ACYP2: variants seen among roughly 807,000 people sequenced by gnomAD.
The protein encoded by ACYP2 is acylphosphatase 2.
In ACYP2, 12 loss-of-function variants were observed where a neutral mutation model predicts 11.2. That is an observed-to-expected ratio of 1.08 (90% confidence interval 0.69 to 1.74). The LOEUF (loss-of-function observed/expected upper bound fraction) is 1.74. ACYP2 is among the 40% of genes most tolerant of loss of function. ACYP2 has a pLI of 0.00. For synonymous variants in ACYP2, 43 were observed against 32.2 expected (o/e 1.33, Z -1.13); for missense variants, 134 against 101.9 (o/e 1.31, Z -1.35).
chr2:54,299,380 T>C (rs1689636200), intron 6 of ACYP2, among the ~76,000 whole-genome samples: 1 of 149,574 alleles, frequency 6.7e-6, no homozygotes, highest in Admixed American at 6.6e-5. Context: ...GATCACGAGG[T>C]CAGGAGTTTG....
rs374152520 is a variant in ACYP2, at chr2:54,045,602, G to A, written c.63-5356G>A. On this transcript the variant is annotated intron_variant, in intron 2 of 6. Coordinates refer to ENST00000607452, the MANE Select transcript of ACYP2 (RefSeq NM_001320586.2). The stretch of plus-strand genomic sequence containing the variant: ...GAGGCCGAGGCGGGCAGATCATGAG[G>A]TAAGGAGATCGAGACCATCCTGGCT... Among the ~76,000 whole-genome samples, 39 of 147,758 alleles carry A rather than the reference G, an allele frequency of 2.6e-4. No individual in the cohort carries two copies. The South Asian group carries it at 8.0e-3, about 30-fold the overall frequency.
At chr2:54,006,798 C>T (rs1251942953) in intron 2 of ACYP2, among the ~76,000 whole-genome samples, 1 of 151,922 alleles carries the variant, frequency 6.6e-6, no homozygotes. Flanking sequence ...TGACTTCTGG[C>T]ACATGACTCC....
intron 6 of ACYP2, among the ~76,000 whole-genome samples, chr2:54,187,070 A>G (rs942500580): frequency 2.6e-5 from 4 of 152,116 alleles, no homozygotes; most frequent in African/African-American, 9.7e-5. Context: ...CCTTGCCTCT[A>G]ATTTCCAAGA....
intron 6 of ACYP2, chr2:54,255,285 C>T (rs200743394): frequency 1.2e-4 from 198 of 1,614,164 alleles, no homozygotes; most frequent in Non-Finnish European, 1.6e-4. Context: ...TGCAGCCTGT[C>T]CTAGGGTGTC....
At chr2:54,008,235 A>G (rs906175258) in intron 2 of ACYP2, among the ~76,000 whole-genome samples, 1 of 152,196 alleles carries the variant, frequency 6.6e-6, no homozygotes, top group African/African-American at 2.4e-5. Flanking sequence ...TTCTGCCTAC[A>G]CACTAAAGTC....
chr2:54,189,628 TTCTC>T (rs2103884054), intron 6 of ACYP2, among the ~76,000 whole-genome samples: 1 of 152,336 alleles, frequency 6.6e-6, no homozygotes, highest in East Asian at 1.9e-4. Flanking sequence ...TTCAGATTGT[TTCTC>T]TATCTTGGCT....
At chr2:54,118,715 A>G (rs933298311) in intron 4 of ACYP2, among the ~76,000 whole-genome samples, 2 of 152,238 alleles carry the variant, frequency 1.3e-5, no homozygotes, top group African/African-American at 4.8e-5. Flanking sequence ...TACTATACAT[A>G]AATAGTGGGG....
chr2:54,145,912 G>A (rs1681861086), intron 6 of ACYP2, among the ~76,000 whole-genome samples: 1 of 152,190 alleles, frequency 6.6e-6, no homozygotes, highest in Admixed American at 6.5e-5. Flanking sequence ...GTCTGGGTTT[G>A]CTACACAACT....
chr2:54,016,605 T>C (rs1309547845), intron 2 of ACYP2, among the ~76,000 whole-genome samples: 3 of 152,200 alleles, frequency 2.0e-5, no homozygotes, highest in Non-Finnish European at 2.9e-5. Flanking sequence ...ATCTCTGTCT[T>C]AGTCTGTTTG....
intron 6 of ACYP2, among the ~76,000 whole-genome samples, chr2:54,188,911 CCT>C (rs1684122695): frequency 6.6e-6 from 1 of 152,152 alleles, no homozygotes; most frequent in Non-Finnish European, 1.5e-5. Flanking sequence ...ACAAACAGCC[CCT>C]CCGCTCGTAC....
intron 6 of ACYP2, chr2:54,142,036 T>C: frequency 2.4e-6 from 1 of 414,154 alleles, no homozygotes; most frequent in Non-Finnish European, 4.3e-6. Flanking sequence ...GTTGTTGTTG[T>C]TGTTGTTGTT....
chr2:54,118,962 A>G (rs933329315), intron 4 of ACYP2, among the ~76,000 whole-genome samples: 3 of 148,328 alleles, frequency 2.0e-5, no homozygotes, highest in Non-Finnish European at 4.5e-5. Context: ...GGTTTTTCTC[A>G]TTTAACAGAT....
At chr2:54,260,916 A>G (rs1224041469) in intron 6 of ACYP2, among the ~76,000 whole-genome samples, 1 of 152,188 alleles carries the variant, frequency 6.6e-6, no homozygotes, top group Non-Finnish European at 1.5e-5. Flanking sequence ...ATGACATGAC[A>G]GTAGCAACGT....
chr2:54,101,932 T>G (rs530099555), intron 4 of ACYP2, among the ~76,000 whole-genome samples: 1 of 152,334 alleles, frequency 6.6e-6, no homozygotes, highest in East Asian at 1.9e-4. Context: ...ATTGACACTT[T>G]ATTAACTAAA....
rs376218727 is a variant in ACYP2, at chr2:53,981,967, C to T, written c.62+8157C>T. 2.6e-5 allele frequency among the ~76,000 whole-genome samples: 4 copies of T among 152,066 alleles called. No individual in the cohort carries two copies. In the East Asian group the frequency reaches 7.7e-4, roughly 29 times the overall value. On this transcript the variant is annotated intron_variant, in intron 2 of 6. Transcript: ENST00000607452. The stretch of plus-strand genomic sequence containing the variant: ...TACTAAAAGAATTTTTCAGCACCAC[C>T]AAAGCTTTTCGTGTTTCTTCTTTTT...
At chr2:54,159,060 A>G (rs2103824740) in intron 6 of ACYP2, among the ~76,000 whole-genome samples, 1 of 152,172 alleles carries the variant, frequency 6.6e-6, no homozygotes, top group African/African-American at 2.4e-5. Flanking sequence ...ATATAGGCTT[A>G]CTACTATAAA....
chr2:54,021,000 A>T lies in ACYP2; in HGVS notation c.63-29958A>T, dbSNP rs1458790477. Among the ~76,000 whole-genome samples, 3 of 152,192 alleles carry T rather than the reference A, an allele frequency of 2.0e-5. No individual in the cohort carries two copies. In the East Asian group the frequency reaches 5.8e-4, roughly 29 times the overall value. On this transcript the variant is annotated intron_variant, in intron 2 of 6. Transcript: ENST00000607452. ...TTACTTCTATAGAAGGGTACAACTC[A>T]CAGATGGAGCAATGGCGAGAGCACA...
intron 6 of ACYP2, among the ~76,000 whole-genome samples, chr2:54,224,005 T>A (rs1685901834): frequency 6.6e-6 from 1 of 152,200 alleles, no homozygotes; most frequent in South Asian, 2.1e-4. Context: ...TGAGATGCGT[T>A]TGAAAATGGG....
chr2:54,201,594 CTCTT>C (rs1553391220), intron 6 of ACYP2, among the ~76,000 whole-genome samples: 1,000 of 95,610 alleles, frequency 0.01, 31 homozygotes, highest in African/African-American at 0.022. Context: ...TTCTTTCTTT[CTCTT>C]TCTTTCTTTC....
Sources: allele counts gnomAD v4.1 joint callset (sites outside exome capture counted in the v4.1 genomes callset), GRCh38; gene constraint gnomAD v4.1.1; transcripts MANE v1.5; gene names NCBI Gene and HGNC (gene_info 2026-07-23, HGNC 2026-07-21).